Variants in MAST4 observed in about 807,000 individuals in gnomAD.
MAST4 encodes microtubule associated serine/threonine kinase family member 4.
MAST4 carries 89 observed loss-of-function variants against 162.7 expected under a neutral mutation model. The observed-to-expected ratio is 0.55, with a 90% confidence interval of 0.46 to 0.65. MAST4 has a LOEUF of 0.65. Among genes scored for constraint, MAST4 ranks in the 30% least tolerant of loss-of-function variants. The pLI is 0.00. For missense variants in MAST4, 3,153 were observed against 3,374.0 expected (o/e 0.93, Z 1.62); for synonymous variants, 1,479 against 1,361.1 (o/e 1.09, Z -1.91).
rs144096575 is a variant in MAST4 at position 66,875,928 on chromosome 5, A to G, written c.643-24023A>G. On this transcript the variant is annotated intron_variant, in intron 3 of 28. Transcript: ENST00000403625. ...AGGTGCATACTGTCACACCCAGCTC[A>G]CGTTTTTATTTTTATTTTGGTAAAG... Among the ~76,000 whole-genome samples, 70 of 152,186 alleles carry G rather than the reference A, an allele frequency of 4.6e-4. No homozygotes were observed. In the East Asian group the frequency reaches 0.01, roughly 22 times the overall value.
rs146114055 is a variant in MAST4, at chr5:66,935,891, C to T, written c.674+35909C>T. ...TCATGTTAGCCAGGCTGGTCTCAAA[C>T]TCCTGACCTCAAATAATCCATTTAC... On this transcript the variant is annotated intron_variant, in intron 4 of 28. Coordinates refer to ENST00000403625, the MANE Select transcript of MAST4 (RefSeq NM_001164664.2). Among the ~76,000 whole-genome samples the T allele has an allele frequency of 6.7e-3, 1,022 of 152,250 alleles. 14 individuals carry two copies. The highest frequency in any genetic ancestry group is 0.024 in the African/African-American group (977 of 41,542).
intron 4 of MAST4, among the ~76,000 whole-genome samples, chr5:66,952,684 G>C (rs1744847549): frequency 6.6e-6 from 1 of 152,104 alleles, no homozygotes; most frequent in African/African-American, 2.4e-5. Flanking sequence ...CACACACACG[G>C]CCTTTCTGAT....
chr5:66,658,058 AT>A (rs1183518518), intron 1 of MAST4, among the ~76,000 whole-genome samples: 18 of 152,306 alleles, frequency 1.2e-4, no homozygotes, highest in Middle Eastern at 3.4e-3. Flanking sequence ...ATCAGTTTGC[AT>A]TTTCCAGTCC....
intron 12 of MAST4, among the ~76,000 whole-genome samples, chr5:67,115,877 G>GTT (rs560828336): frequency 2.5e-4 from 36 of 144,062 alleles, no homozygotes; most frequent in African/African-American, 9.1e-4. Context: ...CTTTTAATTT[G>GTT]TTTTTTTTTT....
At chr5:67,106,696 A>G (rs1765636736) in intron 10 of MAST4, among the ~76,000 whole-genome samples, 1 of 152,184 alleles carries the variant, frequency 6.6e-6, no homozygotes, top group African/African-American at 2.4e-5. Flanking sequence ...TCTTGCCCAT[A>G]AGTAAAACTA....
At chr5:66,879,874 A>G (rs183148431) in intron 3 of MAST4, among the ~76,000 whole-genome samples, 55 of 152,308 alleles carry the variant, frequency 3.6e-4, no homozygotes, top group African/African-American at 1.1e-3. Flanking sequence ...GCAGATGGCA[A>G]ATTGTCAATG....
At chr5:66,723,238 A>C (rs929680866) in intron 1 of MAST4, among the ~76,000 whole-genome samples, 21 of 152,168 alleles carry the variant, frequency 1.4e-4, no homozygotes, top group African/African-American at 4.8e-4. Context: ...CCTTGTCCAG[A>C]ATGTTAGTTG....
intron 1 of MAST4, among the ~76,000 whole-genome samples, chr5:66,683,688 T>C (rs1334173682): frequency 6.6e-6 from 1 of 152,148 alleles, no homozygotes; most frequent in African/African-American, 2.4e-5. Flanking sequence ...CTTGGGGTTG[T>C]TAAGAATTGT....
At chr5:67,048,236 A>ATC (rs1757618589) in intron 4 of MAST4, among the ~76,000 whole-genome samples, 1 of 152,186 alleles carries the variant, frequency 6.6e-6, no homozygotes, top group South Asian at 2.1e-4. Context: ...ATATAATTTT[A>ATC]GTGCATTTAG....
At chr5:67,097,693 A>G (rs908111902) in intron 7 of MAST4, among the ~76,000 whole-genome samples, 2 of 151,988 alleles carry the variant, frequency 1.3e-5, no homozygotes, top group Non-Finnish European at 2.9e-5. Context: ...TTTATTGAAG[A>G]CGTTAGTATC....
At chr5:66,911,404 T>G (rs1009474452) in intron 4 of MAST4, among the ~76,000 whole-genome samples, 1 of 152,012 alleles carries the variant, frequency 6.6e-6, no homozygotes, top group Non-Finnish European at 1.5e-5. Flanking sequence ...GATTGCAAAC[T>G]CTAATAATAA....
chr5:66,979,970 G>T lies in MAST4; in HGVS notation c.675-74434G>T, dbSNP rs1057151193. ...TTCTGAATGATGTCATCTTTAATTT[G>T]TCGAGGGAAAATCCTCAGGCACCAC... is the stretch of plus-strand genomic sequence containing the variant. On this transcript the variant is annotated intron_variant, in intron 4 of 28. Transcript: ENST00000403625. Among the ~76,000 whole-genome samples the T allele has an allele frequency of 8.1e-4, 123 of 152,112 alleles. 2 individuals are homozygous for T. Among genetic ancestry groups the T allele is most frequent in the African/African-American group, 2.9e-3 (119 of 41,392 alleles).
At chr5:66,624,319 A>AT (rs1472468108) in intron 1 of MAST4, among the ~76,000 whole-genome samples, 1 of 151,426 alleles carries the variant, frequency 6.6e-6, no homozygotes, top group Non-Finnish European at 1.5e-5. Flanking sequence ...CGCCTGGCTA[A>AT]TTTTTTTGTA....
In MAST4 at chr5:67,163,204, G is replaced by C. The variant is rs1207129343; in HGVS notation, c.4025G>C (p.Gly1342Ala). 4 of 1,613,518 alleles carry C rather than the reference G, an allele frequency of 2.5e-6. No homozygotes were observed. The highest frequency in any genetic ancestry group is 2.5e-6 in the Non-Finnish European group (3 of 1,179,706). ...PSSSAPNSPAGSGHIRPSTLH... is the reference protein window; with the variant it reads ...PSSSAPNSPAASGHIRPSTLH... ...TCTAGTGCCCCCAATTCCCCAGCAGGGTCCGGGCACATCCGGCCCAGCACT... is the reference window on the plus strand; with the variant it reads ...TCTAGTGCCCCCAATTCCCCAGCAGCGTCCGGGCACATCCGGCCCAGCACT... The change falls in exon 29 of 29, where the codon GGG (glycine) becomes GCG (alanine). Residue 1342 changes from glycine to alanine, a missense_variant. This residue lies in a region of MAST4 where 619 missense variants were observed against 744.2 expected (regional missense o/e 0.83). Coordinates refer to ENST00000403625, the MANE Select transcript of MAST4 (RefSeq NM_001164664.2). The surrounding 1 kb of genome is among the most constrained non-coding windows in gnomAD (Gnocchi z 7.0).
intron 1 of MAST4, among the ~76,000 whole-genome samples, chr5:66,693,714 G>C (rs532995004): frequency 1.8e-4 from 24 of 135,896 alleles, no homozygotes; most frequent in Admixed American, 3.1e-4. Context: ...CAAAGAGCTA[G>C]ACGCTATCAA....
At chr5:67,072,991 C>G (rs1160209173) in intron 5 of MAST4, among the ~76,000 whole-genome samples, 1 of 152,196 alleles carries the variant, frequency 6.6e-6, no homozygotes, top group East Asian at 1.9e-4. Flanking sequence ...TGTGATGGTA[C>G]TTTCAATTAG....
At chr5:66,979,986 C>T (rs1248031022) in intron 4 of MAST4, among the ~76,000 whole-genome samples, 3 of 150,578 alleles carry the variant, frequency 2.0e-5, no homozygotes, top group Non-Finnish European at 2.9e-5. Context: ...GGAAAATCCT[C>T]AGGCACCACT....
intron 1 of MAST4, among the ~76,000 whole-genome samples, chr5:66,630,252 A>G (rs1436790335): frequency 6.6e-6 from 1 of 152,238 alleles, no homozygotes; most frequent in Admixed American, 6.5e-5. Flanking sequence ...GAATGCAGTG[A>G]TATCAAACCA....
At chr5:67,152,225 A>G (rs1182731036) in intron 24 of MAST4, among the ~76,000 whole-genome samples, 1 of 152,222 alleles carries the variant, frequency 6.6e-6, no homozygotes, top group Admixed American at 6.5e-5. Context: ...TAATACATAC[A>G]GTCTTCTCCA....
Sources: gnomAD v4.1 joint callset for allele counts (sites outside exome capture counted in the v4.1 genomes callset) on GRCh38, gnomAD v4.1.1 for gene constraint, gnomAD v4.1.1 regional missense constraint, Gnocchi (gnomAD v3.1) non-coding constraint, MANE v1.5 for transcripts, NCBI Gene and HGNC (gene_info 2026-07-23, HGNC 2026-07-21) for gene names.